Variants in CYTH1 observed in about 807,000 individuals in gnomAD.
CYTH1 encodes cytohesin 1, also known as cytohesin-1.
In CYTH1, 18 loss-of-function variants were observed where a neutral mutation model predicts 61.8. That is an observed-to-expected ratio of 0.29 (90% CI 0.20 to 0.43). The LOEUF is 0.43. Among genes scored for constraint, CYTH1 ranks in the 20% least tolerant of loss-of-function variants. The pLI is 1.00. For missense variants in CYTH1, 336 were observed against 510.5 expected, an observed-to-expected ratio of 0.66 and a Z score of 3.29; for synonymous variants, 174 against 184.3, an observed-to-expected ratio of 0.94 and a Z score of 0.45.
At chr17:78,743,863 G>GATAATGCCACA (rs2093350371) in intron 1 of CYTH1, among the ~76,000 whole-genome samples, 1 of 152,224 alleles carries the variant, frequency 6.6e-6, no homozygotes, top group Non-Finnish European at 1.5e-5. Context: ...CGTGTGGTAG[G>GATAATGCCACA]CATGGCCTAT....
chr17:78,688,279 G>A lies in CYTH1; in HGVS notation c.891+4138C>T, dbSNP rs149758164. Among the ~76,000 whole-genome samples, 25 of 152,334 alleles carry A rather than the reference G, an allele frequency of 1.6e-4. No homozygotes were observed. In the East Asian group the frequency reaches 4.4e-3, roughly 27 times the overall value. On this transcript the variant is annotated intron_variant, in intron 11 of 13. Transcript: ENST00000446868. ...TAATTCAAAGACTTGAATAGCAGCCGTGGTGTTGGTTGGCAACTAAAGCAC... is the reference window on the plus strand; with the variant it reads ...TAATTCAAAGACTTGAATAGCAGCCATGGTGTTGGTTGGCAACTAAAGCAC...
At chr17:78,772,347 C>T (rs1000254759) in intron 1 of CYTH1, among the ~76,000 whole-genome samples, 6 of 152,124 alleles carry the variant, frequency 3.9e-5, no homozygotes, top group Non-Finnish European at 8.8e-5. Context: ...TGTGTGCCCC[C>T]CATACTTGAA....
At chr17:78,688,642 C>T (rs569136139) in intron 11 of CYTH1, among the ~76,000 whole-genome samples, 6 of 152,326 alleles carry the variant, frequency 3.9e-5, no homozygotes, top group East Asian at 3.9e-4. Context: ...ATGCTTTCAG[C>T]GCAGACATAT....
chr17:78,738,713 G>T (rs542287307), intron 1 of CYTH1, among the ~76,000 whole-genome samples: 23 of 151,904 alleles, frequency 1.5e-4, no homozygotes, highest in African/African-American at 2.7e-4. Flanking sequence ...AATCACAGTT[G>T]TAAGTCCCAG....
rs542437342 is a variant in CYTH1 at position 78,770,408 on chromosome 17, T to TTTTTG, written c.22+11789_22+11793dup. On this transcript the variant is annotated intron_variant, in intron 1 of 13. Transcript: ENST00000446868. ...ATATTACTACAAAATAGGCGGGTTT[T>TTTTTG]TTTTGTTTTGTTTTGTTTTGTTTTG... Among the ~76,000 whole-genome samples, 1,268 of 151,620 alleles carry TTTTTG rather than the reference T, an allele frequency of 8.4e-3. 17 individuals carry two copies. The highest frequency in any genetic ancestry group is 0.029 in the African/African-American group (1,194 of 41,296).
chr17:78,744,555 C>T (rs543184277), intron 1 of CYTH1, among the ~76,000 whole-genome samples: 1 of 152,306 alleles, frequency 6.6e-6, no homozygotes, highest in South Asian at 2.1e-4. Flanking sequence ...ACAATTCTTT[C>T]AAAGGTTCCT....
intron 10 of CYTH1, among the ~76,000 whole-genome samples, chr17:78,692,955 G>T (rs2092903544): frequency 6.6e-6 from 1 of 152,138 alleles, no homozygotes; most frequent in Admixed American, 6.5e-5. Flanking sequence ...GAGGAAGCAG[G>T]AGGGGAGATG....
chr17:78,685,818 G>A (rs191805571), intron 11 of CYTH1, among the ~76,000 whole-genome samples: 3,349 of 150,488 alleles, frequency 0.022, 39 homozygotes, highest in Non-Finnish European at 0.035. Context: ...TAACGTGGCT[G>A]GATAAAGGGT....
intron 1 of CYTH1, among the ~76,000 whole-genome samples, chr17:78,730,089 A>C (rs1055045413): frequency 6.6e-6 from 1 of 152,166 alleles, no homozygotes; most frequent in African/African-American, 2.4e-5. Flanking sequence ...TTTAATGCCC[A>C]TGAAGTGCCT....
In CYTH1 at chr17:78,675,733, G is replaced by A. The variant is rs1211614078; in HGVS notation, c.*358C>T. Reference sequence around the variant, plus strand: ...ATGGACACATGTATTTATGGTGCAGGGTTTGAAGGCTTCTTCACGGGGACA... The same window carrying A: ...ATGGACACATGTATTTATGGTGCAGAGTTTGAAGGCTTCTTCACGGGGACA... On this transcript the variant is annotated 3_prime_UTR_variant, in exon 14 of 14. Coordinates refer to ENST00000446868, the MANE Select transcript of CYTH1 (RefSeq NM_004762.6). 2 of 595,542 alleles carry A rather than the reference G, an allele frequency of 3.4e-6. No individual in the cohort carries two copies. Among genetic ancestry groups the A allele is most frequent in the Admixed American group, 3.6e-5 (1 of 27,616 alleles). The allele number at this position is 595,542 out of a possible 1,614,324, so 36.9% of individuals were successfully genotyped here.
intron 1 of CYTH1, among the ~76,000 whole-genome samples, chr17:78,716,257 TG>T (rs1458697854): frequency 6.6e-6 from 1 of 152,196 alleles, no homozygotes; most frequent in African/African-American, 2.4e-5. Context: ...GTGGCTGCTT[TG>T]GGGAGTGGGT....
At chr17:78,752,699 G>C (rs2144678349) in intron 1 of CYTH1, among the ~76,000 whole-genome samples, 1 of 152,288 alleles carries the variant, frequency 6.6e-6, no homozygotes, top group South Asian at 2.1e-4. Flanking sequence ...AATGTGCTGA[G>C]ATTACAGGCG....
At chr17:78,774,568 T>A (rs1436040409) in intron 1 of CYTH1, among the ~76,000 whole-genome samples, 1 of 152,214 alleles carries the variant, frequency 6.6e-6, no homozygotes, top group Non-Finnish European at 1.5e-5. Flanking sequence ...GTTGCTGAGC[T>A]GCCTCTGTAG....
chr17:78,773,127 C>A (rs2093478239), intron 1 of CYTH1, among the ~76,000 whole-genome samples: 1 of 152,062 alleles, frequency 6.6e-6, no homozygotes, highest in African/African-American at 2.4e-5. Flanking sequence ...GCCACCATGC[C>A]CAGCCTGAAA....
intron 1 of CYTH1, among the ~76,000 whole-genome samples, chr17:78,776,141 T>G (rs1195115452): frequency 2.0e-5 from 3 of 151,454 alleles, no homozygotes; most frequent in Non-Finnish European, 4.4e-5. Context: ...GGAAACAGAG[T>G]AAAACTCTGT....
At chr17:78,682,266 A>C (rs2092771974) in intron 11 of CYTH1, among the ~76,000 whole-genome samples, 1 of 152,012 alleles carries the variant, frequency 6.6e-6, no homozygotes, top group Non-Finnish European at 1.5e-5. Context: ...TGTTCCTTTG[A>C]TTTATATTTC....
Position 78,687,986 on chromosome 17 carries a change from G to A in CYTH1, c.891+4431C>T, listed in dbSNP as rs940171972. ...TGTGTGCTCTGCGTCCATCTCCTCCGAGGGCTGCATGAACAGACCTGAGTT... is the reference window on the plus strand; with the variant it reads ...TGTGTGCTCTGCGTCCATCTCCTCCAAGGGCTGCATGAACAGACCTGAGTT... On this transcript the variant is annotated intron_variant, in intron 11 of 13. Transcript: ENST00000446868. Among the ~76,000 whole-genome samples, 6 of 152,186 alleles carry A rather than the reference G, an allele frequency of 3.9e-5. No individual in the cohort carries two copies. In the East Asian group the frequency reaches 7.7e-4, roughly 20 times the overall value.
chr17:78,749,570 C>T (rs1315488146), intron 1 of CYTH1, among the ~76,000 whole-genome samples: 1 of 151,724 alleles, frequency 6.6e-6, no homozygotes, highest in Non-Finnish European at 1.5e-5. Flanking sequence ...GTCAAGGCTG[C>T]AGTAAGCTAT....
chr17:78,765,165 G>A (rs1195867088), intron 1 of CYTH1, among the ~76,000 whole-genome samples: 5 of 152,120 alleles, frequency 3.3e-5, no homozygotes, highest in Admixed American at 2.6e-4. Context: ...AGAGGGGCAT[G>A]GGTATCCCTG....
Sources: allele counts gnomAD v4.1 joint callset (sites outside exome capture counted in the v4.1 genomes callset), GRCh38; gene constraint gnomAD v4.1.1; transcripts MANE v1.5; gene names NCBI Gene and HGNC (gene_info 2026-07-23, HGNC 2026-07-21).